Variants in SMG6 observed in about 807,000 individuals in gnomAD.
The protein encoded by SMG6 is telomerase-binding protein EST1A.
SMG6 carries 66 observed loss-of-function variants against 142.2 expected under a neutral mutation model. The observed-to-expected ratio is 0.46, with a 90% CI of 0.38 to 0.57. The LOEUF is 0.57. Ranked by LOEUF, SMG6 falls within the 20% of genes least tolerant of loss-of-function variation. SMG6 has a pLI of 0.00. For missense variants in SMG6, 1,793 were observed against 1,832.0 expected, an observed-to-expected ratio of 0.98 and a Z score of 0.39; for synonymous variants, 779 against 702.4, an observed-to-expected ratio of 1.11 and a Z score of -1.72.
chr17:2,192,861 C>T (rs560782678), intron 10 of SMG6, among the ~76,000 whole-genome samples: 1 of 152,276 alleles, frequency 6.6e-6, no homozygotes, highest in South Asian at 2.1e-4. Flanking sequence ...TGTATAGGAA[C>T]GAGACAAAAA....
chr17:2,069,297 A>C (rs931824722), intron 15 of SMG6, among the ~76,000 whole-genome samples: 4 of 152,320 alleles, frequency 2.6e-5, no homozygotes, highest in Admixed American at 1.3e-4. Context: ...GAAAGCCTAC[A>C]GAGGAGGTAC....
intron 13 of SMG6, among the ~76,000 whole-genome samples, chr17:2,086,810 C>T (rs555229905): frequency 3.3e-5 from 5 of 152,336 alleles, no homozygotes; most frequent in African/African-American, 9.6e-5. Context: ...GTGCCCTTCT[C>T]TTCATCTCTA....
chr17:2,076,935 C>A (rs567747646), intron 15 of SMG6, among the ~76,000 whole-genome samples: 1 of 152,320 alleles, frequency 6.6e-6, no homozygotes, highest in Admixed American at 6.5e-5. Context: ...GGACAGGGCC[C>A]ACCAGGCGCA....
At chr17:2,154,121 C>G (rs1048657532) in intron 13 of SMG6, among the ~76,000 whole-genome samples, 2 of 132,888 alleles carry the variant, frequency 1.5e-5, no homozygotes, top group Non-Finnish European at 3.1e-5. Flanking sequence ...ACTGGGGAAC[C>G]TGGGGATGCA....
At chr17:2,064,101 C>T (rs2067866135) in intron 18 of SMG6, among the ~76,000 whole-genome samples, 1 of 152,028 alleles carries the variant, frequency 6.6e-6, no homozygotes. Flanking sequence ...AGAGTCAACT[C>T]CCAGAGCAGC....
chr17:2,269,458 T>TA (rs10706406), intron 8 of SMG6, among the ~76,000 whole-genome samples: 259 of 146,156 alleles, frequency 1.8e-3, no homozygotes, highest in African/African-American at 5.9e-3. Context: ...AACTATACAT[T>TA]AAAAAAAAAA....
At chr17:2,298,716 T>A (rs1339549579) in intron 2 of SMG6, among the ~76,000 whole-genome samples, 190 bp downstream of exon 2, 1 of 148,672 alleles carries the variant, frequency 6.7e-6, no homozygotes, top group Admixed American at 6.7e-5. Context: ...AGACTCCGTC[T>A]TAAAAAAAAA....
At chr17:2,192,641 T>G (rs545211636) in intron 10 of SMG6, among the ~76,000 whole-genome samples, 1 of 152,302 alleles carries the variant, frequency 6.6e-6, no homozygotes, top group East Asian at 1.9e-4. Context: ...GGAGGCAATT[T>G]GTTGGCCCTT....
intron 8 of SMG6, among the ~76,000 whole-genome samples, chr17:2,259,063 G>T (rs1214986044): frequency 6.6e-6 from 1 of 151,264 alleles, no homozygotes; most frequent in African/African-American, 2.4e-5. Flanking sequence ...GGGCGACAAA[G>T]CGAGACTCTA....
intron 13 of SMG6, among the ~76,000 whole-genome samples, chr17:2,160,704 C>T (rs911866107): frequency 5.3e-5 from 8 of 152,052 alleles, no homozygotes; most frequent in South Asian, 4.1e-4. Context: ...ATGGCGTGCG[C>T]CTATAGTCCC....
chr17:2,109,319 G>A (rs777863884), intron 13 of SMG6, among the ~76,000 whole-genome samples: 2 of 151,802 alleles, frequency 1.3e-5, no homozygotes, highest in Non-Finnish European at 2.9e-5. Flanking sequence ...GCTGGAGTGC[G>A]GTGGCACAAT....
chr17:2,277,153 A>ATTTTTTTTTTTT (rs1567740157), intron 8 of SMG6, among the ~76,000 whole-genome samples: 1 of 83,448 alleles, frequency 1.2e-5, no homozygotes, highest in African/African-American at 5.4e-5. Flanking sequence ...TTATTTATTT[A>ATTTTTTTTTTTT]TTTATTTATT....
intron 15 of SMG6, among the ~76,000 whole-genome samples, chr17:2,073,310 C>T (rs947970104): frequency 1.3e-5 from 2 of 151,940 alleles, no homozygotes; most frequent in Admixed American, 1.3e-4. Context: ...TCTCAAACTC[C>T]CGACCTCAGG....
intron 13 of SMG6, among the ~76,000 whole-genome samples, chr17:2,151,311 A>G (rs1284399284): frequency 1.3e-5 from 2 of 152,204 alleles, no homozygotes; most frequent in Non-Finnish European, 2.9e-5. Flanking sequence ...TCCACATTAC[A>G]GTTTTATATT....
intron 10 of SMG6, among the ~76,000 whole-genome samples, chr17:2,216,364 G>T (rs182191545): frequency 6.6e-6 from 1 of 152,084 alleles, no homozygotes; most frequent in South Asian, 2.1e-4. Context: ...CTAAGAAAAG[G>T]GGGGGAAAAA....
At chr17:2,186,200 T>A (rs1490457596) in intron 12 of SMG6, among the ~76,000 whole-genome samples, 1 of 147,258 alleles carries the variant, frequency 6.8e-6, no homozygotes, top group Non-Finnish European at 1.5e-5. Flanking sequence ...CCAGCCTGGG[T>A]GAGCTGAGAT....
At chr17:2,260,867 G>A (rs1441702107) in intron 8 of SMG6, among the ~76,000 whole-genome samples, 1 of 152,028 alleles carries the variant, frequency 6.6e-6, no homozygotes, top group African/African-American at 2.4e-5. Context: ...GTGATGGCGG[G>A]TGCCTGTAAT....
chr17:2,216,851 G>C (rs1451617902), intron 10 of SMG6, among the ~76,000 whole-genome samples: 1 of 152,180 alleles, frequency 6.6e-6, no homozygotes, highest in Non-Finnish European at 1.5e-5. Flanking sequence ...TGATCTATGA[G>C]GTTGTTAGTT....
chr17:2,265,640 A>C (rs1339357865), intron 8 of SMG6, among the ~76,000 whole-genome samples: 1 of 152,228 alleles, frequency 6.6e-6, no homozygotes, highest in Non-Finnish European at 1.5e-5. Flanking sequence ...TTTTTCTGTA[A>C]AAGGTCACAG....
Sources: allele counts gnomAD v4.1 joint callset (sites outside exome capture counted in the v4.1 genomes callset), GRCh38; gene constraint gnomAD v4.1.1; transcripts MANE v1.5; gene names NCBI Gene and HGNC (gene_info 2026-07-23, HGNC 2026-07-21).